Variants in TBX15 observed in about 807,000 individuals in gnomAD.
TBX15 encodes the protein T-box transcription factor 15.
A neutral mutation model predicts 53.9 loss-of-function variants in TBX15; 18 were observed. The ratio of observed to expected loss-of-function variants is 0.33; its 90% CI spans 0.23 to 0.49. The LOEUF is 0.49. Ranked by LOEUF, TBX15 falls within the 20% of genes least tolerant of loss-of-function variation. TBX15 has a pLI of 0.98. For missense variants in TBX15, 692 were observed against 749.5 expected (o/e 0.92, Z 0.90); for synonymous variants, 295 against 278.0 (o/e 1.06, Z -0.61).
chr1:118,937,133 A>T (rs911494885), intron 1 of TBX15, among the ~76,000 whole-genome samples: 1 of 152,164 alleles, frequency 6.6e-6, no homozygotes, highest in African/African-American at 2.4e-5. Flanking sequence ...GAAGTTTGAA[A>T]CCAACAAACA....
At chr1:118,946,446 T>C (rs1656350372) in intron 1 of TBX15, among the ~76,000 whole-genome samples, 1 of 152,128 alleles carries the variant, frequency 6.6e-6, no homozygotes, top group Admixed American at 6.5e-5. Context: ...ATCTATGACT[T>C]TAAAAGGCCT....
At chr1:118,920,647 A>G (rs1160233113) in intron 5 of TBX15, among the ~76,000 whole-genome samples, 1 of 152,206 alleles carries the variant, frequency 6.6e-6, no homozygotes, top group African/African-American at 2.4e-5. Flanking sequence ...TGGTGCAATT[A>G]TCACTGGGCT....
At chr1:118,889,167 C>G (rs1251410142) in intron 7 of TBX15, among the ~76,000 whole-genome samples, 1 of 152,160 alleles carries the variant, frequency 6.6e-6, no homozygotes, top group Non-Finnish European at 1.5e-5. Flanking sequence ...AAGAAATGCT[C>G]TTGTGAACAT....
rs1400094041 is a variant in TBX15, at chr1:118,914,407, G to A, written c.862-228C>T. ...AAAAACTAAAATTTGCCCAGTATGT[G>A]ACTCTAAAAACTCTCTCCTACTCAC... On this transcript the variant is annotated intron_variant, in intron 5 of 7. Transcript: ENST00000369429. Among the ~76,000 whole-genome samples, 5 of 152,136 alleles carry A rather than the reference G, an allele frequency of 3.3e-5. No individual in the cohort carries two copies. In the South Asian group the frequency reaches 8.3e-4, roughly 25 times the overall value.
intron 6 of TBX15, among the ~76,000 whole-genome samples, chr1:118,906,567 T>C (rs1167591692): frequency 6.6e-6 from 1 of 152,118 alleles, no homozygotes; most frequent in Non-Finnish European, 1.5e-5. Flanking sequence ...TTTATAAACA[T>C]GGCCATGGGA....
intron 6 of TBX15, among the ~76,000 whole-genome samples, chr1:118,905,936 T>G (rs1179273263): frequency 3.9e-5 from 6 of 152,218 alleles, no homozygotes; most frequent in Non-Finnish European, 7.3e-5. Flanking sequence ...ACTAGCAAGC[T>G]ATGCCTAGCA....
intron 6 of TBX15, among the ~76,000 whole-genome samples, chr1:118,910,460 G>A (rs1460338014): frequency 6.6e-6 from 1 of 152,220 alleles, no homozygotes; most frequent in African/African-American, 2.4e-5. Flanking sequence ...AATAGATGAG[G>A]TGCTTGATGG....
At position 118,912,467 on chromosome 1, in the gene TBX15, G is replaced by A. The variant is rs564032862; in HGVS notation, c.926+1648C>T. Among the ~76,000 whole-genome samples the A allele has an allele frequency of 2.6e-5, 4 of 152,158 alleles. No homozygotes were observed. The South Asian group carries it at 6.3e-4, about 24-fold the overall frequency. On this transcript the variant is annotated intron_variant, in intron 6 of 7. Transcript: ENST00000369429. ...CTGAAGGTCTTAAAAGCCCTTGCAT[G>A]CCATGGCCTACCTCCAGAAATAGCC...
intron 1 of TBX15, among the ~76,000 whole-genome samples, chr1:118,979,733 G>A (rs1657578847): frequency 6.6e-6 from 1 of 152,234 alleles, no homozygotes; most frequent in South Asian, 2.1e-4. Context: ...TGTAATTAGA[G>A]CTAAGAACAG....
rs970908584 is a variant in TBX15, at chr1:118,911,391, GA to G, written c.926+2723del. On this transcript the variant is annotated intron_variant, in intron 6 of 7. Coordinates refer to ENST00000369429, the MANE Select transcript of TBX15 (RefSeq NM_001330677.2). ...AAATAATGCTGTGAAATGGATTAAC[GA>G]AGATCCATAGTTCTGCTTTCCTGAA... Among the ~76,000 whole-genome samples the G allele has an allele frequency of 2.8e-4, 43 of 152,100 alleles. 1 individual carries two copies. The highest frequency in any genetic ancestry group is 1.5e-5 in the Non-Finnish European group (1 of 68,018).
rs138944580 is a variant in TBX15 at position 118,883,223 on chromosome 1, A to G, written c.*1509T>C. 2 of 152,700 alleles carry G rather than the reference A, an allele frequency of 1.3e-5. No individual in the cohort carries two copies. The highest frequency in any genetic ancestry group is 4.8e-5 in the African/African-American group (2 of 41,552). 9.5% of individuals were successfully genotyped at this position (152,700 alleles called of 1,614,324 possible). ...CCCCACTAGGCACATAAATACATTT[A>G]TCTACAACACCTCAAAACCAGAAAC... On this transcript the variant is annotated 3_prime_UTR_variant, in exon 8 of 8. Coordinates refer to ENST00000369429, the MANE Select transcript of TBX15 (RefSeq NM_001330677.2).
chr1:118,987,564 T>A, intron 1 of TBX15, 27 bp downstream of exon 1: 1 of 1,536,250 alleles, frequency 6.5e-7, no homozygotes. Context: ...TCCGCCCGCC[T>A]CCCGCGGTCG....
chr1:118,939,277 C>A (rs992387958), intron 1 of TBX15, among the ~76,000 whole-genome samples: 2 of 151,476 alleles, frequency 1.3e-5, no homozygotes. Context: ...CATGATGGCA[C>A]GTGCCTGTAG....
chr1:118,939,424 A>AAAAG (rs1557892412), intron 1 of TBX15, among the ~76,000 whole-genome samples: 1 of 115,762 alleles, frequency 8.6e-6, no homozygotes, highest in African/African-American at 3.5e-5. Context: ...AAAAAAAAAA[A>AAAAG]AAAAAAAAAA....
At chr1:118,945,106 G>A (rs1656307309) in intron 1 of TBX15, among the ~76,000 whole-genome samples, 1 of 152,112 alleles carries the variant, frequency 6.6e-6, no homozygotes, top group Non-Finnish European at 1.5e-5. Flanking sequence ...ATCAGAAAAT[G>A]GGTTTAGTAC....
chr1:118,945,237 G>C (rs1405514335), intron 1 of TBX15, among the ~76,000 whole-genome samples: 1 of 152,170 alleles, frequency 6.6e-6, no homozygotes, highest in Non-Finnish European at 1.5e-5. Flanking sequence ...AACTAAGTGG[G>C]ACAGTGTATA....
At chr1:118,958,743 C>T (rs1656773666) in intron 1 of TBX15, among the ~76,000 whole-genome samples, 1 of 152,062 alleles carries the variant, frequency 6.6e-6, no homozygotes, top group Non-Finnish European at 1.5e-5. Context: ...AATGTCTTAT[C>T]TTATTAGGCA....
chr1:118,901,289 G>C, intron 6 of TBX15: 1 of 453,362 alleles, frequency 2.2e-6, no homozygotes, highest in Non-Finnish European at 4.4e-6. Flanking sequence ...GGTCAAGAGA[G>C]GGCAAGAGCA....
At chr1:118,885,559 A>C (rs1236022751) in intron 7 of TBX15, 43 bp from the exon 8 acceptor site, 1 of 1,549,958 alleles carries the variant, frequency 6.5e-7, no homozygotes, top group Non-Finnish European at 8.7e-7. Flanking sequence ...GAGTCTTTTA[A>C]GATGAGTCTG....
Sources: gnomAD v4.1 joint callset for allele counts (sites outside exome capture counted in the v4.1 genomes callset) on GRCh38, gnomAD v4.1.1 for gene constraint, MANE v1.5 for transcripts, NCBI Gene and HGNC (gene_info 2026-07-23, HGNC 2026-07-21) for gene names.